GCA: variants seen among roughly 807,000 people sequenced by gnomAD.
GCA encodes the protein grancalcin, EF-hand calcium-binding protein.
In GCA, 30 loss-of-function variants were observed where a neutral mutation model predicts 32.6. That is an observed-to-expected ratio of 0.92 (90% confidence interval 0.69 to 1.25). The LOEUF (loss-of-function observed/expected upper bound fraction) is 1.25, where lower values mean the gene tolerates loss of function less well. Among genes scored for constraint, GCA ranks in the 50% most tolerant of loss-of-function variants. GCA has a pLI of 0.00. For missense variants in GCA, 291 were observed against 266.8 expected (o/e 1.09, Z -0.63); for synonymous variants, 102 against 84.6 (o/e 1.21, Z -1.13).
chr2:162,331,885 T>C (rs1293669463), intron 1 of GCA, among the ~76,000 whole-genome samples: 1 of 152,214 alleles, frequency 6.6e-6, no homozygotes, highest in East Asian at 1.9e-4. Flanking sequence ...AGCTGTGATA[T>C]AAGTGGACAC....
intron 1 of GCA, among the ~76,000 whole-genome samples, chr2:162,329,355 T>A (rs1199442848): frequency 1.3e-5 from 2 of 152,206 alleles, no homozygotes; most frequent in Non-Finnish European, 2.9e-5. Flanking sequence ...GTAGAATTAA[T>A]TATTGAAATA....
chr2:162,342,699 T>A (rs1470538694), upstream of GCA, among the ~76,000 whole-genome samples: 1 of 152,240 alleles, frequency 6.6e-6, no homozygotes, highest in East Asian at 1.9e-4. Context: ...GCTATTTTGA[T>A]GAAAACAAGA....
chr2:162,359,480 T>G lies in GCA; in HGVS notation c.569-14T>G, dbSNP rs769391438. On this transcript the variant is annotated splice_polypyrimidine_tract_variant and intron_variant, in intron 6 of 7. Transcript: ENST00000437150. ...TTTTAAATTACAATAAAAAAGTAAT[T>G]TCTTTGTTTAAAGATTTCTTTAGGA... 1.3e-5 allele frequency: 17 copies of G among 1,354,756 alleles called. No individual in the cohort carries two copies. In the Admixed American group the frequency reaches 3.2e-4, roughly 25 times the overall value. 83.9% of individuals were successfully genotyped at this position (1,354,756 alleles called of 1,614,324 possible).
chr2:162,320,544 G>C (rs1683625863), intron 1 of GCA, among the ~76,000 whole-genome samples: 1 of 152,130 alleles, frequency 6.6e-6, no homozygotes, highest in African/African-American at 2.4e-5. Flanking sequence ...ACCAGTTAAT[G>C]TTATTTTCTT....
At chr2:162,336,794 A>G (rs568943554) in intron 1 of GCA, among the ~76,000 whole-genome samples, 44 of 152,318 alleles carry the variant, frequency 2.9e-4, no homozygotes, top group African/African-American at 9.9e-4. Flanking sequence ...GAACAATTTC[A>G]TGGGTTGAAA....
At chr2:162,324,011 G>A (rs1333956759) in intron 1 of GCA, among the ~76,000 whole-genome samples, 7 of 152,170 alleles carry the variant, frequency 4.6e-5, no homozygotes, top group South Asian at 2.1e-4. Context: ...GTATGGGGGT[G>A]TGGCTCGCTT....
intron 5 of GCA, 51 bp downstream of exon 5, chr2:162,356,956 G>T (rs1396399235): frequency 7.8e-7 from 1 of 1,280,604 alleles, no homozygotes; most frequent in Admixed American, 2.1e-5. Context: ...TTTGTTCTTT[G>T]ATTAGATGAA....
rs547003559 is a variant in GCA, at chr2:162,353,920, G to C, written c.262+1513G>C. On this transcript the variant is annotated intron_variant, in intron 3 of 7. Coordinates refer to ENST00000437150, the MANE Select transcript of GCA (RefSeq NM_012198.5). ...ATCATTTTTTTTTGCTGAACTTTTTGGGAATTTTCCTCAACTTTATTTCCT... is the reference window on the plus strand; with the variant it reads ...ATCATTTTTTTTTGCTGAACTTTTTCGGAATTTTCCTCAACTTTATTTCCT... Among the ~76,000 whole-genome samples, 17 of 151,016 alleles carry C rather than the reference G, an allele frequency of 1.1e-4. No individual in the cohort carries two copies. In the East Asian group the frequency reaches 3.1e-3, roughly 28 times the overall value.
At chr2:162,344,487 G>A (rs765564254) in intron 1 of GCA, 347 of 589,298 alleles carry the variant, frequency 5.9e-4, no homozygotes, top group Admixed American at 1.5e-3. Context: ...GGTCGTTGAG[G>A]ACCCTCGAGG....
At chr2:162,322,611 T>G (rs1251126280) in intron 1 of GCA, among the ~76,000 whole-genome samples, 1 of 136,526 alleles carries the variant, frequency 7.3e-6, no homozygotes, top group Non-Finnish European at 1.5e-5. Context: ...CCTGTGTCCA[T>G]GTGTTCGCAT....
Position 162,360,335 on chromosome 2 carries a change from A to G in GCA, c.*92A>G, listed in dbSNP as rs548493790. ...ACTTTAAAACTTTTAAGGGTTTTCT[A>G]TGTTCTTCCTACCTGTTAAACCTCT... On this transcript the variant is annotated 3_prime_UTR_variant, in exon 8 of 8. Coordinates refer to ENST00000437150, the MANE Select transcript of GCA (RefSeq NM_012198.5). The G allele has an allele frequency of 3.5e-4, 533 of 1,517,150 alleles. 8 individuals are homozygous for G. In the South Asian group the frequency reaches 6.5e-3, roughly 19 times the overall value. 94.0% of individuals were successfully genotyped at this position (1,517,150 alleles called of 1,614,324 possible). A position where few individuals can be genotyped will look rare whatever the true frequency, so the allele number is the denominator to read the frequency against.
chr2:162,328,501 C>T (rs1221146370), intron 1 of GCA, among the ~76,000 whole-genome samples: 1 of 152,174 alleles, frequency 6.6e-6, no homozygotes, highest in African/African-American at 2.4e-5. Context: ...CTTCTAAGAT[C>T]CCGGGTGAGC....
rs543143839 is a variant in GCA, at chr2:162,331,296, A to G, written c.-31+12071A>G. Among the ~76,000 whole-genome samples the G allele has an allele frequency of 1.4e-4, 21 of 152,316 alleles. 1 individual carries two copies. Among genetic ancestry groups the G allele is most frequent in the East Asian group, 3.9e-4 (2 of 5,176 alleles). On this transcript the variant is annotated intron_variant, in intron 1 of 4. Coordinates refer to the GCA transcript ENST00000429691. ...TGTTTCACTGTTCTGCACTTTGCAA[A>G]TGACTGTGAAAGGGCCACAAGTATT...
At chr2:162,336,270 G>T (rs947848326) in intron 1 of GCA, among the ~76,000 whole-genome samples, 1 of 152,022 alleles carries the variant, frequency 6.6e-6, no homozygotes, top group African/African-American at 2.4e-5. Context: ...AATTAGTTTT[G>T]TTTCCTTCTA....
chr2:162,368,490 AAAT>A (rs573493093), intron 4 of GCA, among the ~76,000 whole-genome samples: 20 of 152,064 alleles, frequency 1.3e-4, no homozygotes, highest in East Asian at 5.8e-4. Flanking sequence ...ATAATATCTA[AAAT>A]AATAATAATT....
chr2:162,373,165 G>T (rs1249695852), downstream of GCA, among the ~76,000 whole-genome samples: 1 of 152,046 alleles, frequency 6.6e-6, no homozygotes, highest in Non-Finnish European at 1.5e-5. Flanking sequence ...AGATTTCAAA[G>T]CTCTACCACA....
chr2:162,360,972 A>C lies in GCA; in HGVS notation c.*729A>C. On this transcript the variant is annotated 3_prime_UTR_variant, in exon 8 of 8. Transcript: ENST00000437150. ...TTAGTGAAGACATAGTTCACCTAAA[A>C]TGGCATCCTGCTCTGAATCTAGACT... is the stretch of plus-strand genomic sequence containing the variant. The C allele has an allele frequency of 2.7e-6, 3 of 1,117,822 alleles. No homozygotes were observed. The highest frequency in any genetic ancestry group is 3.3e-6 in the Non-Finnish European group (3 of 911,370). 69.2% of individuals were successfully genotyped at this position (1,117,822 alleles called of 1,614,324 possible).
chr2:162,369,486 G>A (rs569896782), intron 4 of GCA, among the ~76,000 whole-genome samples: 3 of 152,018 alleles, frequency 2.0e-5, no homozygotes, highest in African/African-American at 7.2e-5. Context: ...TAAATAAACT[G>A]GATGCTTGCA....
At chr2:162,356,967 C>T (rs1685312370) in intron 5 of GCA, 62 bp downstream of exon 5, 1 of 1,148,684 alleles carries the variant, frequency 8.7e-7, no homozygotes, top group African/African-American at 1.5e-5. Flanking sequence ...ATTAGATGAA[C>T]TTAATTGCTT....
Sources: allele counts gnomAD v4.1 joint callset (sites outside exome capture counted in the v4.1 genomes callset), GRCh38; gene constraint gnomAD v4.1.1; transcripts MANE v1.5; gene names NCBI Gene and HGNC (gene_info 2026-07-23, HGNC 2026-07-21).